Variants in GRK7 observed in about 807,000 individuals in gnomAD.
GRK7 encodes the protein G protein-coupled receptor kinase 7.
A neutral mutation model predicts 34.1 loss-of-function variants in GRK7; 24 were observed. That is an observed-to-expected ratio of 0.70 (90% confidence interval 0.51 to 0.99). The LOEUF is 0.99. Among genes scored for constraint, GRK7 ranks in the 50% least tolerant of loss-of-function variants. The pLI is 0.00. For missense variants in GRK7, 644 were observed against 707.3 expected (o/e 0.91, Z 1.02); for synonymous variants, 256 against 279.4 (o/e 0.92, Z 0.84).
At chr3:141,757,147 C>CTTT in the GRK7 span, among the ~76,000 whole-genome samples, 1,280 of 89,284 alleles carry the variant, frequency 0.014, 12 homozygotes, top group East Asian at 0.044. Flanking sequence ...TTTTTTTTTT[C>CTTT]TTTTTTTTTT....
chr3:141,784,262 C>T (rs1313743755), intron 4 of GRK7, among the ~76,000 whole-genome samples: 1 of 152,176 alleles, frequency 6.6e-6, no homozygotes, highest in Non-Finnish European at 1.5e-5. Context: ...TGTCCGCTAC[C>T]AGGAACGTAC....
chr3:141,770,555 A>G (rs2084612165), intron 1 of GRK7, among the ~76,000 whole-genome samples: 1 of 149,130 alleles, frequency 6.7e-6, no homozygotes, highest in African/African-American at 2.6e-5. Context: ...GCTTTTACTG[A>G]AAGAAAAAAG....
chr3:141,763,867 C>T lies in GRK7; in HGVS notation c.-2086C>T, dbSNP rs1335489515. On this transcript the variant is annotated 5_prime_UTR_variant, in exon 1 of 6. Transcript: ENST00000682958. ...CAACAAAATTTCCTCCGTCCTCTTC[C>T]CTTCCCTACAAATTCCCTCCATTTT... Among the ~76,000 whole-genome samples, 2 of 152,182 alleles carry T rather than the reference C, an allele frequency of 1.3e-5. No individual in the cohort carries two copies. Among genetic ancestry groups the T allele is most frequent in the Non-Finnish European group, 2.9e-5 (2 of 68,030 alleles).
At chr3:141,751,890 G>A in the GRK7 span, among the ~76,000 whole-genome samples, 4 of 152,142 alleles carry the variant, frequency 2.6e-5, no homozygotes, top group South Asian at 2.1e-4. Flanking sequence ...GCACAATGTC[G>A]ATGATCCATT....
intron 4 of GRK7, among the ~76,000 whole-genome samples, chr3:141,804,956 C>G (rs962878433): frequency 1.3e-5 from 2 of 151,054 alleles, no homozygotes; most frequent in African/African-American, 4.9e-5. Flanking sequence ...TACACACATA[C>G]ACACCACACT....
intron 5 of GRK7, among the ~76,000 whole-genome samples, chr3:141,810,661 C>A (rs1380068488): frequency 6.6e-6 from 1 of 152,098 alleles, no homozygotes; most frequent in Non-Finnish European, 1.5e-5. Context: ...GGATTACAGG[C>A]ACCCACCACC....
chr3:141,800,899 T>C (rs1244189036), intron 4 of GRK7, among the ~76,000 whole-genome samples: 5 of 152,326 alleles, frequency 3.3e-5, no homozygotes, highest in Admixed American at 2.0e-4. Context: ...TTCATTGAGC[T>C]GAATGTCTAA....
chr3:141,768,060 C>T (rs1214377742), intron 1 of GRK7, among the ~76,000 whole-genome samples: 1 of 152,096 alleles, frequency 6.6e-6, no homozygotes, highest in Non-Finnish European at 1.5e-5. Flanking sequence ...TTGTTCATTC[C>T]TCTATGTTCC....
intron 4 of GRK7, among the ~76,000 whole-genome samples, chr3:141,794,056 T>C (rs978069240): frequency 5.3e-5 from 8 of 151,838 alleles, no homozygotes; most frequent in African/African-American, 1.5e-4. Context: ...AAAGTGGCAA[T>C]AGTCACTGGG....
chr3:141,768,626 C>T (rs192363575), intron 1 of GRK7, among the ~76,000 whole-genome samples: 20 of 152,218 alleles, frequency 1.3e-4, no homozygotes, highest in Admixed American at 4.6e-4. Flanking sequence ...AATTTTTTCT[C>T]CCATCTCTCG....
intron 5 of GRK7, among the ~76,000 whole-genome samples, chr3:141,810,829 C>T (rs1711085879): frequency 6.6e-6 from 1 of 152,102 alleles, no homozygotes; most frequent in African/African-American, 2.4e-5. Flanking sequence ...CTTCTGCGTG[C>T]CCAGGAGTGA....
intron 2 of GRK7, among the ~76,000 whole-genome samples, 196 bp from the exon 3 acceptor site, chr3:141,777,976 A>G (rs4588340): frequency 0.048 from 7,370 of 152,288 alleles, 165 homozygotes; most frequent in South Asian, 0.082. Context: ...TATTCAGGGT[A>G]CAGGGCTATG....
In GRK7 at chr3:141,805,862, G is replaced by A. The variant is rs550668878; in HGVS notation, c.1051-1783G>A. On this transcript the variant is annotated intron_variant, in intron 4 of 5. Transcript: ENST00000682958. Reference sequence around the variant, plus strand: ...TACCCAGGCTAGAGTGCTGTGGCTCGTCTATCGCACTACAGCCTCGAACTC... The same window carrying A: ...TACCCAGGCTAGAGTGCTGTGGCTCATCTATCGCACTACAGCCTCGAACTC... Among the ~76,000 whole-genome samples the A allele has an allele frequency of 2.5e-3, 377 of 152,274 alleles. 1 individual carries two copies. The highest frequency in any genetic ancestry group is 4.4e-3 in the Non-Finnish European group (298 of 68,024).
chr3:141,788,456 C>A (rs973827152), intron 4 of GRK7, among the ~76,000 whole-genome samples: 1 of 152,150 alleles, frequency 6.6e-6, no homozygotes, highest in Non-Finnish European at 1.5e-5. Flanking sequence ...CTTACCTGGG[C>A]TCCATCAAGA....
upstream of GRK7, among the ~76,000 whole-genome samples, chr3:141,762,562 C>T (rs2084560248): frequency 6.6e-6 from 1 of 151,462 alleles, no homozygotes; most frequent in Non-Finnish European, 1.5e-5. Context: ...TTACTGCTGT[C>T]TTTTTGTTTG....
At chr3:141,788,491 A>T (rs1354871931) in intron 4 of GRK7, among the ~76,000 whole-genome samples, 1 of 152,120 alleles carries the variant, frequency 6.6e-6, no homozygotes, top group African/African-American at 2.4e-5. Context: ...TGCTTCTCTT[A>T]AAATGGGGCT....
intron 1 of GRK7, among the ~76,000 whole-genome samples, chr3:141,767,227 T>C (rs1323663694): frequency 2.6e-5 from 4 of 152,202 alleles, no homozygotes; most frequent in African/African-American, 9.7e-5. Context: ...CATCTATTCT[T>C]GGTATGACAT....
intron 3 of GRK7, 143 bp downstream of exon 3, chr3:141,779,039 C>G (rs1040525119): frequency 2.4e-6 from 2 of 824,900 alleles, no homozygotes; most frequent in African/African-American, 1.7e-5. Context: ...GTCTCCCCAG[C>G]CCCCTTCTTT....
At chr3:141,785,827 T>G (rs978268334) in intron 4 of GRK7, among the ~76,000 whole-genome samples, 1 of 151,364 alleles carries the variant, frequency 6.6e-6, no homozygotes, top group Non-Finnish European at 1.5e-5. Context: ...TGGTCCCAGC[T>G]ACTTGGGAGG....
Sources: gnomAD v4.1 joint callset for allele counts (sites outside exome capture counted in the v4.1 genomes callset) on GRCh38, gnomAD v4.1.1 for gene constraint, MANE v1.5 for transcripts, NCBI Gene and HGNC (gene_info 2026-07-23, HGNC 2026-07-21) for gene names.